Variants in SEMA6D observed in about 807,000 individuals in gnomAD.
SEMA6D encodes semaphorin 6D.
SEMA6D carries 35 observed loss-of-function variants against 106.6 expected under a neutral mutation model. The ratio of observed to expected loss-of-function variants is 0.33; its 90% CI spans 0.25 to 0.44. SEMA6D has a LOEUF of 0.44. Among genes scored for constraint, SEMA6D ranks in the 20% least tolerant of loss-of-function variants. The pLI is 1.00. For missense variants in SEMA6D, 1,185 were observed against 1,345.9 expected (o/e 0.88, Z 1.87); for synonymous variants, 499 against 487.7 (o/e 1.02, Z -0.31).
At chr15:47,370,730 C>T (rs547673149) in intron 1 of SEMA6D, among the ~76,000 whole-genome samples, 22 of 148,484 alleles carry the variant, frequency 1.5e-4, no homozygotes, top group Admixed American at 8.1e-4. Flanking sequence ...TGTGGCAGCA[C>T]GCGCCAGTAG....
chr15:47,348,576 A>C (rs983133430), intron 1 of SEMA6D, among the ~76,000 whole-genome samples: 1 of 151,902 alleles, frequency 6.6e-6, no homozygotes, highest in Admixed American at 6.6e-5. Context: ...ACTGTGAGCC[A>C]GGCAACAGGA....
chr15:47,514,095 A>G (rs542396884), intron 3 of SEMA6D, among the ~76,000 whole-genome samples: 1 of 152,342 alleles, frequency 6.6e-6, no homozygotes, highest in East Asian at 1.9e-4. Flanking sequence ...CATTACTTGC[A>G]TGAGTGAGAT....
chr15:47,448,689 G>GATA (rs1395598395), intron 2 of SEMA6D, among the ~76,000 whole-genome samples: 7 of 152,248 alleles, frequency 4.6e-5, no homozygotes, highest in Admixed American at 2.6e-4. Flanking sequence ...AAATGGGGTT[G>GATA]AAGTAAGGGT....
chr15:47,382,135 A>C (rs776077031), intron 1 of SEMA6D, among the ~76,000 whole-genome samples: 8 of 152,224 alleles, frequency 5.3e-5, no homozygotes, highest in Admixed American at 1.3e-4. Flanking sequence ...ACATGGCAAA[A>C]GAAATACAGT....
chr15:47,259,464 CT>C (rs59400435), intron 1 of SEMA6D, among the ~76,000 whole-genome samples: 181 of 144,342 alleles, frequency 1.3e-3, no homozygotes, highest in South Asian at 2.0e-3. Context: ...GTTGAGAGTT[CT>C]TTTTTTTTTT....
At chr15:47,769,317 G>GA (rs911995144) in intron 18 of SEMA6D, among the ~76,000 whole-genome samples, 448 of 151,176 alleles carry the variant, frequency 3.0e-3, no homozygotes, top group African/African-American at 9.7e-3. Flanking sequence ...ATTACTCTAG[G>GA]AAAAAAAAAT....
chr15:47,625,595 C>T (rs1484342334), intron 4 of SEMA6D, among the ~76,000 whole-genome samples: 3 of 151,906 alleles, frequency 2.0e-5, no homozygotes, highest in South Asian at 2.1e-4. Context: ...ATTAGCCAGG[C>T]ATGGTGGCGT....
intron 3 of SEMA6D, among the ~76,000 whole-genome samples, chr15:47,599,357 G>A (rs892654589): frequency 6.6e-6 from 1 of 151,978 alleles, no homozygotes; most frequent in African/African-American, 2.4e-5. Flanking sequence ...TGTCTGAAAG[G>A]TAAACAAACT....
chr15:47,216,757 T>C (rs889274010), intron 1 of SEMA6D, among the ~76,000 whole-genome samples: 10 of 152,078 alleles, frequency 6.6e-5, no homozygotes, highest in African/African-American at 2.4e-4. Flanking sequence ...CCAGTAGATA[T>C]ATAAAAAATA....
At chr15:47,629,974 G>C (rs191855275) in intron 4 of SEMA6D, among the ~76,000 whole-genome samples, 2 of 151,626 alleles carry the variant, frequency 1.3e-5, no homozygotes, top group African/African-American at 4.8e-5. Context: ...GGTTAATTCC[G>C]TATCTTTGTT....
intron 1 of SEMA6D, among the ~76,000 whole-genome samples, chr15:47,232,461 C>T (rs1008636765): frequency 6.6e-6 from 1 of 151,742 alleles, no homozygotes. Flanking sequence ...ACATTCCCAT[C>T]AGCAAGGTGT....
intron 1 of SEMA6D, among the ~76,000 whole-genome samples, chr15:47,376,969 A>C (rs2039471162): frequency 6.6e-6 from 1 of 152,200 alleles, no homozygotes; most frequent in East Asian, 1.9e-4. Flanking sequence ...GATGCCTGAT[A>C]ATTAATGATC....
At position 47,210,631 on chromosome 15, in the gene SEMA6D, G is replaced by A. The variant is rs573299567; in HGVS notation, c.-239+26213G>A. The stretch of plus-strand genomic sequence containing the variant: ...AATACAAAAATCCGTGGCGCGTGGT[G>A]GCACATGCCTATAGTCCCAGCTACT... On this transcript the variant is annotated intron_variant, in intron 1 of 19. Coordinates refer to the SEMA6D transcript ENST00000558014. Among the ~76,000 whole-genome samples the A allele has an allele frequency of 8.6e-5, 13 of 152,000 alleles. No homozygotes were observed. The East Asian group carries it at 2.3e-3, about 27-fold the overall frequency.
chr15:47,695,645 T>C (rs1302262882), intron 4 of SEMA6D, among the ~76,000 whole-genome samples: 1 of 152,108 alleles, frequency 6.6e-6, no homozygotes. Flanking sequence ...TCCAAAGAAA[T>C]AGAAGCATAA....
At chr15:47,199,206 T>G (rs944571033) in intron 1 of SEMA6D, among the ~76,000 whole-genome samples, 1 of 152,188 alleles carries the variant, frequency 6.6e-6, no homozygotes, top group African/African-American at 2.4e-5. Context: ...AATAGACCTA[T>G]TGGCTAATGA....
chr15:47,411,387 TCA>T (rs938194191), intron 1 of SEMA6D, among the ~76,000 whole-genome samples: 1 of 152,126 alleles, frequency 6.6e-6, no homozygotes, highest in Non-Finnish European at 1.5e-5. Flanking sequence ...GTTTTAATAT[TCA>T]CAGTTGCATG....
At chr15:47,698,681 CA>C (rs1337957205) in intron 4 of SEMA6D, among the ~76,000 whole-genome samples, 1 of 152,208 alleles carries the variant, frequency 6.6e-6, no homozygotes, top group Admixed American at 6.5e-5. Flanking sequence ...ATACATGGCA[CA>C]CAGGTATCTA....
chr15:47,184,610 C>T (rs1006359670), intron 1 of SEMA6D, among the ~76,000 whole-genome samples: 1 of 152,156 alleles, frequency 6.6e-6, no homozygotes, highest in Non-Finnish European at 1.5e-5. Flanking sequence ...GCCCGGTTCC[C>T]GTGCGCAGCA....
At chr15:47,366,069 G>C (rs2039019254) in intron 1 of SEMA6D, among the ~76,000 whole-genome samples, 1 of 152,076 alleles carries the variant, frequency 6.6e-6, no homozygotes, top group African/African-American at 2.4e-5. Context: ...TTTTTTACAG[G>C]GTCAATGTTT....
Sources: allele counts gnomAD v4.1 joint callset (sites outside exome capture counted in the v4.1 genomes callset), GRCh38; gene constraint gnomAD v4.1.1; transcripts MANE v1.5; gene names NCBI Gene and HGNC (gene_info 2026-07-23, HGNC 2026-07-21).